The following LIPI variants were observed in gnomAD, a reference collection of about 807,000 sequenced individuals.
The protein encoded by LIPI is lipase I.
In LIPI, 59 loss-of-function variants were observed where a neutral mutation model predicts 50.6. That is an observed-to-expected ratio of 1.16 (90% CI 0.94 to 1.45). LIPI has a LOEUF of 1.45. LIPI is among the 40% of genes most tolerant of loss of function. The pLI is 0.00. For missense variants in LIPI, 586 were observed against 536.3 expected (o/e 1.09, Z -0.92); for synonymous variants, 203 against 178.2 (o/e 1.14, Z -1.11).
chr21:14,141,837 C>T (rs2017720853), intron 9 of LIPI, among the ~76,000 whole-genome samples: 1 of 152,072 alleles, frequency 6.6e-6, no homozygotes, highest in African/African-American at 2.4e-5. Context: ...GATGTCTGGC[C>T]AAGATTTACA....
At position 14,189,418 on chromosome 21, in the gene LIPI, A is replaced by G. The variant is rs146361143; in HGVS notation, c.48T>C (p.Asp16=). 2.3e-5 allele frequency: 37 copies of G among 1,611,928 alleles called. No homozygotes were observed. The African/African-American group carries it at 4.7e-4, about 20-fold the overall frequency. The change falls in exon 2 of 10, where the codon GAT becomes GAC. Residue 16 remains aspartate, a splice_region_variant and synonymous_variant. Transcript: ENST00000681601. Reference sequence around the variant, plus strand: ...AGAATTCAAGGCATGGTCTTTTATTATCTGAAATAAGAAAATGTCAGTCAA... The same window carrying G: ...AGAATTCAAGGCATGGTCTTTTATTGTCTGAAATAAGAAAATGTCAGTCAA... The part of the protein sequence containing the change: ...FLCLMCWVRS[D]NKRPCLEFSQ...
chr21:14,205,329 T>C (rs924749044), intron 1 of LIPI, among the ~76,000 whole-genome samples: 1 of 151,896 alleles, frequency 6.6e-6, no homozygotes, highest in Admixed American at 6.6e-5. Flanking sequence ...ATGGGGACTA[T>C]GCAGCATTTA....
intron 3 of LIPI, among the ~76,000 whole-genome samples, chr21:14,183,116 C>T (rs1405478172): frequency 6.6e-6 from 1 of 152,068 alleles, no homozygotes; most frequent in Non-Finnish European, 1.5e-5. Flanking sequence ...GGTACTGGTA[C>T]CAAAACAGAG....
chr21:14,114,943 T>C (rs922322950), intron 9 of LIPI, among the ~76,000 whole-genome samples: 2 of 152,190 alleles, frequency 1.3e-5, no homozygotes, highest in African/African-American at 4.8e-5. Flanking sequence ...TTAGGTTCAG[T>C]GCATGGTAGA....
intron 9 of LIPI, among the ~76,000 whole-genome samples, chr21:14,111,770 A>C (rs1178245775): frequency 1.3e-5 from 2 of 152,072 alleles, no homozygotes; most frequent in Non-Finnish European, 1.5e-5. Context: ...TTTTTTGTAT[A>C]AGGTGTGACA....
At chr21:14,154,806 C>T (rs1258944328) in intron 7 of LIPI, among the ~76,000 whole-genome samples, 1 of 151,980 alleles carries the variant, frequency 6.6e-6, no homozygotes, top group East Asian at 1.9e-4. Context: ...CTTGGAATAT[C>T]TAAAGCCAAC....
At chr21:14,174,668 C>T (rs1253956309) in intron 4 of LIPI, among the ~76,000 whole-genome samples, 1 of 152,138 alleles carries the variant, frequency 6.6e-6, no homozygotes, top group Non-Finnish European at 1.5e-5. Context: ...ATTCTCCTGC[C>T]TCAGCCTCCC....
rs375085560 is a variant in LIPI at position 14,166,329 on chromosome 21, T to A, written c.733+33A>T. 130 of 1,113,890 alleles carry A rather than the reference T, an allele frequency of 1.2e-4. No homozygotes were observed. In the African/African-American group the frequency reaches 1.7e-3, roughly 15 times the overall value. 69.0% of individuals were successfully genotyped at this position (1,113,890 alleles called of 1,614,324 possible). ...TATTTTCTTTCATCATTTCGAATAT[T>A]ATGTAGTTCATTCAAAAATACTGTC... On this transcript the variant is annotated intron_variant, in intron 5 of 9. Coordinates refer to ENST00000681601, the MANE Select transcript of LIPI (RefSeq NM_001302998.2).
At chr21:14,117,516 A>C (rs1348455192) in intron 9 of LIPI, among the ~76,000 whole-genome samples, 1 of 152,192 alleles carries the variant, frequency 6.6e-6, no homozygotes, top group Non-Finnish European at 1.5e-5. Flanking sequence ...AAGGGCTGCT[A>C]AACTTTCTGA....
chr21:14,172,653 G>A (rs2018957004), intron 4 of LIPI, among the ~76,000 whole-genome samples: 1 of 151,814 alleles, frequency 6.6e-6, no homozygotes, highest in Non-Finnish European at 1.5e-5. Context: ...ACTCATAGGT[G>A]GGAATTGAAC....
At chr21:14,172,272 C>G (rs986133753) in intron 4 of LIPI, among the ~76,000 whole-genome samples, 2 of 152,010 alleles carry the variant, frequency 1.3e-5, no homozygotes, top group African/African-American at 4.8e-5. Context: ...GTTGGTGGAA[C>G]TGTAAACTAG....
chr21:14,187,215 G>T (rs2019486209), intron 2 of LIPI, among the ~76,000 whole-genome samples: 7 of 152,134 alleles, frequency 4.6e-5, no homozygotes, highest in Admixed American at 4.6e-4. Context: ...TCAGCTCCAG[G>T]AAGGGAAATT....
At chr21:14,149,726 A>T (rs1043512778) in intron 8 of LIPI, among the ~76,000 whole-genome samples, 7 of 152,228 alleles carry the variant, frequency 4.6e-5, no homozygotes, top group Non-Finnish European at 7.3e-5. Flanking sequence ...GAAATCCAAT[A>T]GGGCAGTCAT....
chr21:14,146,030 G>GT (rs2050316880), intron 8 of LIPI, among the ~76,000 whole-genome samples: 1 of 152,056 alleles, frequency 6.6e-6, no homozygotes, highest in Admixed American at 6.6e-5. Flanking sequence ...AAATTTTTCA[G>GT]TGATAATTCA....
At chr21:14,206,407 T>C (rs1261423214) in intron 1 of LIPI, among the ~76,000 whole-genome samples, 1 of 152,194 alleles carries the variant, frequency 6.6e-6, no homozygotes, top group Non-Finnish European at 1.5e-5. Context: ...GAGATAAGTT[T>C]GTCTTGCAAT....
chr21:14,165,684 C>A (rs994220538), intron 5 of LIPI, among the ~76,000 whole-genome samples: 2 of 152,210 alleles, frequency 1.3e-5, no homozygotes, highest in African/African-American at 2.4e-5. Context: ...TACTTAATAA[C>A]TAGTGTACAC....
At chr21:14,123,198 A>G (rs2016929121) in intron 9 of LIPI, among the ~76,000 whole-genome samples, 1 of 152,226 alleles carries the variant, frequency 6.6e-6, no homozygotes, top group African/African-American at 2.4e-5. Context: ...ATGATAGGAA[A>G]AGACTTTCAG....
At chr21:14,114,192 A>C (rs907382005) in intron 9 of LIPI, among the ~76,000 whole-genome samples, 1 of 151,876 alleles carries the variant, frequency 6.6e-6, no homozygotes, top group Admixed American at 6.6e-5. Flanking sequence ...AAAAAAAAAA[A>C]AGTTCTGATC....
chr21:14,170,477 C>A (rs1390672854), intron 4 of LIPI, among the ~76,000 whole-genome samples: 1 of 152,144 alleles, frequency 6.6e-6, no homozygotes, highest in Non-Finnish European at 1.5e-5. Flanking sequence ...AAAATACTGG[C>A]AAACCGAATC....
Sources: allele counts gnomAD v4.1 joint callset (sites outside exome capture counted in the v4.1 genomes callset), GRCh38; gene constraint gnomAD v4.1.1; transcripts MANE v1.5; gene names NCBI Gene and HGNC (gene_info 2026-07-23, HGNC 2026-07-21).